GNA15: variants seen among roughly 807,000 people sequenced by gnomAD.
The protein encoded by GNA15 is guanine nucleotide-binding protein subunit alpha-15.
In GNA15, 23 loss-of-function variants were observed where a neutral mutation model predicts 40.1. The observed-to-expected ratio is 0.57, with a 90% CI of 0.41 to 0.81. The LOEUF is 0.81. GNA15 is among the 40% of genes least tolerant of loss of function. GNA15 has a pLI of 0.00. For synonymous variants in GNA15, 226 were observed against 210.4 expected (o/e 1.07, Z -0.64); for missense variants, 522 against 515.8 (o/e 1.01, Z -0.12).
intron 1 of GNA15, among the ~76,000 whole-genome samples, chr19:3,144,745 G>A (rs539841439): frequency 2.0e-5 from 3 of 151,580 alleles, no homozygotes; most frequent in South Asian, 2.1e-4. Context: ...AGCCAGGATG[G>A]TCTCGATCTC....
intron 6 of GNA15, among the ~76,000 whole-genome samples, chr19:3,158,806 T>G (rs1915084922): frequency 6.6e-6 from 1 of 151,950 alleles, no homozygotes; most frequent in Non-Finnish European, 1.5e-5. Flanking sequence ...TAGTTTCCTG[T>G]CCTATTTTTA....
chr19:3,156,045 C>A, intron 5 of GNA15, 93 bp downstream of exon 5: 1 of 1,223,784 alleles, frequency 8.2e-7, no homozygotes, highest in Non-Finnish European at 1.2e-6. Flanking sequence ...GGGATCCCTG[C>A]TCTTGAACGG....
rs932056887 is a variant in GNA15 at position 3,136,178 on chromosome 19, G to C, written c.-273G>C. ...CAACCTGTCGGGCCGGGTCTGAGCA[G>C]GTCTGGAGGTGGGCGGGGAGCCCTG... On this transcript the variant is annotated 5_prime_UTR_variant, in exon 1 of 7. Coordinates refer to ENST00000262958, the MANE Select transcript of GNA15 (RefSeq NM_002068.4). The surrounding 1 kb of genome is among the most constrained non-coding windows in gnomAD (Gnocchi z 4.9). The C allele has an allele frequency of 1.5e-5, 6 of 407,524 alleles. No individual in the cohort carries two copies. The highest frequency in any genetic ancestry group is 1.3e-4 in the African/African-American group (6 of 46,496). The allele number at this position is 407,524 out of a possible 1,614,324, so 25.2% of individuals were successfully genotyped here.
chr19:3,148,702 T>G lies in GNA15; in HGVS notation c.257T>G (p.Ile86Ser), dbSNP rs1309913328. The G allele has an allele frequency of 6.2e-7, 1 of 1,602,218 alleles. No individual in the cohort carries two copies. Among genetic ancestry groups the G allele is most frequent in the East Asian group, 2.3e-5 (1 of 44,406 alleles). The change falls in exon 2 of 7, where the codon ATC (isoleucine) becomes AGC (serine). Residue 86 changes from isoleucine to serine, a missense_variant. Physicochemically the swap from Ile to Ser is moderately radical, Grantham distance 142 (BLOSUM62 -2). Coordinates refer to ENST00000262958, the MANE Select transcript of GNA15 (RefSeq NM_002068.4). Reference protein sequence around the residue: ...KGFRPLVYQNIFVSMRAMIEA... With the variant: ...KGFRPLVYQNSFVSMRAMIEA... The stretch of plus-strand genomic sequence containing the variant: ...TTCCGGCCCCTGGTCTACCAGAACA[T>G]CTTCGTGTCCATGCGGGCCATGATC...
rs199847220 is a variant in GNA15, at chr19:3,151,726, C to A, written c.505C>A (p.Arg169Ser). Residue 169 changes from arginine to serine, a missense_variant, in exon 4 of 7, where the codon CGC becomes AGC. Arg to Ser is a moderately radical substitution (Grantham distance 110). Transcript: ENST00000262958. The surrounding 1 kb of genome is among the most constrained non-coding windows in gnomAD (Gnocchi z 5.0). The part of the protein sequence containing the change: ...SAVYYLSHLE[R>S]ITEEGYVPTA... The stretch of plus-strand genomic sequence containing the variant: ...CTGCAGCTACCTGTCCCACCTGGAG[C>A]GCATCACCGAGGAGGGCTACGTCCC... 3 of 1,604,190 alleles carry A rather than the reference C, an allele frequency of 1.9e-6. No homozygotes were observed. The Admixed American group carries it at 5.1e-5, about 27-fold the overall frequency.
Position 3,156,475 on chromosome 19 carries a change from C to G in GNA15, c.744+523C>G, listed in dbSNP as rs571522401. On this transcript the variant is annotated intron_variant, in intron 5 of 6. Coordinates refer to ENST00000262958, the MANE Select transcript of GNA15 (RefSeq NM_002068.4). Reference sequence around the variant, plus strand: ...ATGCACACGCACACACAGGCACACACACGCACACACAGGCACACAGGCACA... The same window carrying G: ...ATGCACACGCACACACAGGCACACAGACGCACACACAGGCACACAGGCACA... 2.3e-3 allele frequency among the ~76,000 whole-genome samples: 342 copies of G among 151,754 alleles called. 1 individual carries two copies. Among genetic ancestry groups the G allele is most frequent in the African/African-American group, 7.9e-3 (326 of 41,366 alleles).
chr19:3,144,809 T>A (rs1206633606), intron 1 of GNA15, among the ~76,000 whole-genome samples: 7 of 150,912 alleles, frequency 4.6e-5, no homozygotes, highest in East Asian at 2.0e-4. Context: ...ATTACAGGCG[T>A]GAGCCACCGG....
chr19:3,153,987 G>C (rs1303530042), intron 4 of GNA15, among the ~76,000 whole-genome samples: 1 of 151,602 alleles, frequency 6.6e-6, no homozygotes, highest in East Asian at 2.0e-4. Flanking sequence ...TGAACAGATG[G>C]GTGGATGGAT....
intron 6 of GNA15, among the ~76,000 whole-genome samples, chr19:3,161,932 C>G (rs1316571522): frequency 6.6e-6 from 1 of 151,168 alleles, no homozygotes; most frequent in East Asian, 2.0e-4. Flanking sequence ...ACTCGGGAGG[C>G]TGAGGCAGGA....
chr19:3,141,201 G>T (rs2144840939), intron 1 of GNA15, among the ~76,000 whole-genome samples: 1 of 152,126 alleles, frequency 6.6e-6, no homozygotes, highest in Non-Finnish European at 1.5e-5. Context: ...CATACCTGTA[G>T]TCCCAGTTAC....
At chr19:3,156,420 A>C (rs113120462) in intron 5 of GNA15, among the ~76,000 whole-genome samples, 14 of 121,456 alleles carry the variant, frequency 1.2e-4, no homozygotes, top group South Asian at 2.4e-4. Context: ...CACACACATG[A>C]ACACACACAT....
chr19:3,157,511 G>A lies in GNA15; in HGVS notation c.745-217G>A, dbSNP rs536823502. Among the ~76,000 whole-genome samples, 35 of 152,262 alleles carry A rather than the reference G, an allele frequency of 2.3e-4. No individual in the cohort carries two copies. In the South Asian group the frequency reaches 4.6e-3, roughly 20 times the overall value. ...GAAGCTCTGGGGGGACATGAATTTC[G>A]GGAGGACACACTTCCAACCAGCACA... On this transcript the variant is annotated intron_variant, in intron 5 of 6. Coordinates refer to ENST00000262958, the MANE Select transcript of GNA15 (RefSeq NM_002068.4).
intron 1 of GNA15, among the ~76,000 whole-genome samples, chr19:3,148,298 G>T (rs3815309): frequency 0.14 from 20,927 of 152,054 alleles, 2,699 homozygotes; most frequent in African/African-American, 0.34. Context: ...ATGTTTACCA[G>T]GTTGGTCTCT....
At chr19:3,156,459 C>T (rs1915028877) in intron 5 of GNA15, among the ~76,000 whole-genome samples, 1 of 138,752 alleles carries the variant, frequency 7.2e-6, no homozygotes, top group Non-Finnish European at 1.6e-5. Flanking sequence ...CATGCACACG[C>T]ACACACAGGC....
In GNA15 at chr19:3,155,736, C is replaced by T; in HGVS notation, c.615-87C>T. ...TATTCTTGCTGTCGCTATTATGGAT[C>T]TTGGCATATCCCAGACGTGATGGGG... On this transcript the variant is annotated intron_variant, in intron 4 of 6. Coordinates refer to ENST00000262958, the MANE Select transcript of GNA15 (RefSeq NM_002068.4). This position sits in a 1 kb window ranked among gnomAD's most constrained non-coding sequence, Gnocchi z 5.6. 6.9e-7 allele frequency: 1 copy of T among 1,451,426 alleles called. No individual in the cohort carries two copies. The highest frequency in any genetic ancestry group is 9.3e-7 in the Non-Finnish European group (1 of 1,071,938). 89.9% of individuals were successfully genotyped at this position (1,451,426 alleles called of 1,614,324 possible). A position where few individuals can be genotyped will look rare whatever the true frequency, so the allele number is the denominator to read the frequency against.
chr19:3,138,999 G>A (rs1568291980), intron 1 of GNA15, among the ~76,000 whole-genome samples: 1 of 144,048 alleles, frequency 6.9e-6, no homozygotes, highest in Non-Finnish European at 1.5e-5. Flanking sequence ...AGGTTGGAGT[G>A]CAGTGGTGAG....
At chr19:3,145,157 T>C (rs1005160291) in intron 1 of GNA15, among the ~76,000 whole-genome samples, 1 of 143,418 alleles carries the variant, frequency 7.0e-6, no homozygotes, top group African/African-American at 2.7e-5. Context: ...CCAGCCCTAG[T>C]TTTTAATTTT....
intron 6 of GNA15, among the ~76,000 whole-genome samples, chr19:3,158,908 C>T (rs1316055573): frequency 2.0e-5 from 3 of 152,318 alleles, no homozygotes; most frequent in Admixed American, 1.3e-4. Flanking sequence ...GCTGGGATTA[C>T]GGGCGTGAGC....
intron 1 of GNA15, among the ~76,000 whole-genome samples, chr19:3,147,961 G>A (rs1183359969): frequency 6.6e-6 from 1 of 151,922 alleles, no homozygotes; most frequent in African/African-American, 2.4e-5. Context: ...AAAGATAACT[G>A]GATCTGGCCC....
Sources: gnomAD v4.1 joint callset for allele counts (sites outside exome capture counted in the v4.1 genomes callset) on GRCh38, gnomAD v4.1.1 for gene constraint, Gnocchi (gnomAD v3.1) non-coding constraint, MANE v1.5 for transcripts, NCBI Gene and HGNC (gene_info 2026-07-23, HGNC 2026-07-21) for gene names.